Variants in CCDC33 observed in about 807,000 individuals in gnomAD.
CCDC33 encodes coiled-coil domain-containing protein 33.
Under a neutral mutation model 91.9 loss-of-function variants are expected in CCDC33, and 94 were observed. The ratio of observed to expected loss-of-function variants is 1.02; its 90% CI spans 0.87 to 1.21. The LOEUF is 1.21. CCDC33 is among the 50% of genes most tolerant of loss of function. The probability of loss-of-function intolerance (pLI) is 0.00; values close to 1 mark genes in which losing one functional copy is unlikely to be tolerated. For missense variants in CCDC33, 940 were observed against 935.5 expected, an observed-to-expected ratio of 1.00 and a Z score of -0.06; for synonymous variants, 396 against 374.5, an observed-to-expected ratio of 1.06 and a Z score of -0.66.
chr15:74,208,665 GC>G, intron 1 of CCDC33: 1 of 971,160 alleles, frequency 1.0e-6, no homozygotes, highest in Non-Finnish European at 1.2e-6. Context: ...AATTGCTCCA[GC>G]CCATCACTCT....
At chr15:74,213,411 T>A (rs905121204), upstream of CCDC33, 2 of 152,242 alleles carry the variant, frequency 1.3e-5, no homozygotes, top group African/African-American at 4.8e-5. Context: ...ATCATTGCCC[T>A]TTTTGTCCAG....
intron 7 of CCDC33, among the ~76,000 whole-genome samples, chr15:74,274,289 TGGCTGGGTTCA>T (rs1796311975): frequency 6.6e-6 from 1 of 152,206 alleles, no homozygotes; most frequent in South Asian, 2.1e-4. Context: ...GCACAGAACA[TGGCTGGGTTCA>T]GGGGAATAGC....
intron 2 of CCDC33, among the ~76,000 whole-genome samples, chr15:74,248,207 G>A (rs1283470912): frequency 1.3e-5 from 2 of 151,934 alleles, no homozygotes; most frequent in African/African-American, 2.4e-5. Flanking sequence ...TGATCACTGC[G>A]GAAAGTATAT....
Position 74,333,970 on chromosome 15 carries a change from G to C in CCDC33, c.2025+3G>C, listed in dbSNP as rs752219111. The stretch of plus-strand genomic sequence containing the variant: ...GGATCCTGTCCCTGGAAAGCCAGGT[G>C]GGTGAGATGCAGGAGTTGATGAGGC... On this transcript the variant is annotated splice_donor_region_variant and intron_variant, in intron 17 of 18. Transcript: ENST00000398814. 1.9e-6 allele frequency: 3 copies of C among 1,612,994 alleles called. No homozygotes were observed. Among genetic ancestry groups the C allele is most frequent in the Non-Finnish European group, 2.5e-6 (3 of 1,179,282 alleles).
At chr15:74,251,138 G>A (rs1566970191) in intron 2 of CCDC33, among the ~76,000 whole-genome samples, 1 of 152,244 alleles carries the variant, frequency 6.6e-6, no homozygotes, top group Non-Finnish European at 1.5e-5. Context: ...GCTGCTGCAG[G>A]CCTGCCTGGC....
At chr15:74,274,159 G>T (rs999348669) in intron 7 of CCDC33, among the ~76,000 whole-genome samples, 2 of 152,212 alleles carry the variant, frequency 1.3e-5, no homozygotes, top group Non-Finnish European at 2.9e-5. Flanking sequence ...CAGAGGAAGG[G>T]TTGGTACAGG....
At chr15:74,281,890 C>CAT (rs1454123266) in intron 10 of CCDC33, 41 bp downstream of exon 10, 1 of 1,556,722 alleles carries the variant, frequency 6.4e-7, no homozygotes, top group South Asian at 1.1e-5. Flanking sequence ...CCAGCAGGCA[C>CAT]ATGTCAGTGA....
intron 11 of CCDC33, among the ~76,000 whole-genome samples, chr15:74,304,680 A>ACCCCCAG (rs2142697610): frequency 6.6e-6 from 1 of 150,584 alleles, no homozygotes; most frequent in South Asian, 2.1e-4. Context: ...CTCGCCTCCC[A>ACCCCCAG]CCCCCAGCCC....
intron 14 of CCDC33, 24 bp downstream of exon 14, chr15:74,331,136 C>T (rs374644201): frequency 1.8e-4 from 297 of 1,613,334 alleles, no homozygotes; most frequent in Middle Eastern, 1.7e-3. Context: ...GGGCTGCCCC[C>T]GAGGCCAACT....
Position 74,219,007 on chromosome 15 carries a change from C to T in CCDC33, c.675+146C>T, listed in dbSNP as rs1012471473. 3.8e-4 allele frequency: 318 copies of T among 835,516 alleles called. 3 individuals carry two copies. Among genetic ancestry groups the T allele is most frequent in the Non-Finnish European group, 9.4e-5 (59 of 630,764 alleles). 51.8% of individuals were successfully genotyped at this position (835,516 alleles called of 1,614,324 possible). ...AGGCTGCCATGTTCAGTCTGAGGAACGTGCAGTCTGAGGATGGACATGGGA... is the reference window on the plus strand; with the variant it reads ...AGGCTGCCATGTTCAGTCTGAGGAATGTGCAGTCTGAGGATGGACATGGGA... On this transcript the variant is annotated intron_variant, in intron 2 of 2. Transcript: ENST00000635913.
intron 2 of CCDC33, among the ~76,000 whole-genome samples, chr15:74,253,007 C>T (rs1313312520): frequency 1.3e-5 from 2 of 152,236 alleles, no homozygotes; most frequent in African/African-American, 4.8e-5. Context: ...TCTCCCATCT[C>T]TGCCACCTGG....
intron 1 of CCDC33, chr15:74,207,782 C>T: frequency 6.5e-7 from 1 of 1,535,702 alleles, no homozygotes; most frequent in Non-Finnish European, 8.7e-7. Context: ...GGGGTGTGCC[C>T]TCAGTGGCAC....
At chr15:74,261,969 A>G (rs2076035632) in intron 2 of CCDC33, among the ~76,000 whole-genome samples, 1 of 152,214 alleles carries the variant, frequency 6.6e-6, no homozygotes, top group Non-Finnish European at 1.5e-5. Flanking sequence ...GGAGCCTGGA[A>G]ATCTGGGCCA....
At chr15:74,242,546 T>G (rs1302478190) in intron 1 of CCDC33, among the ~76,000 whole-genome samples, 2 of 152,136 alleles carry the variant, frequency 1.3e-5, no homozygotes, top group African/African-American at 4.8e-5. Flanking sequence ...GGGCCCTGCC[T>G]CCACCCTGAG....
chr15:74,321,093 A>T (rs2060197480), intron 11 of CCDC33, among the ~76,000 whole-genome samples: 1 of 151,976 alleles, frequency 6.6e-6, no homozygotes, highest in South Asian at 2.1e-4. Flanking sequence ...CACAACCTCC[A>T]TCCTCCCCGA....
upstream of CCDC33, among the ~76,000 whole-genome samples, chr15:74,214,153 G>A (rs989873885): frequency 3.9e-5 from 6 of 152,214 alleles, no homozygotes; most frequent in Non-Finnish European, 8.8e-5. Flanking sequence ...GAGGTTGAAA[G>A]GAGCCATTGT....
At chr15:74,245,268 C>T (rs1354949030) in intron 2 of CCDC33, among the ~76,000 whole-genome samples, 1 of 152,216 alleles carries the variant, frequency 6.6e-6, no homozygotes, top group Non-Finnish European at 1.5e-5. Context: ...CACCTGGTTA[C>T]TATGATAAGT....
At chr15:74,286,704 G>A (rs1029191725) in intron 10 of CCDC33, among the ~76,000 whole-genome samples, 8 of 152,116 alleles carry the variant, frequency 5.3e-5, no homozygotes, top group Admixed American at 5.2e-4. Flanking sequence ...CCCAGATAGG[G>A]CACCAGGCAG....
chr15:74,245,647 C>T (rs1464709877), intron 2 of CCDC33, among the ~76,000 whole-genome samples: 2 of 151,996 alleles, frequency 1.3e-5, no homozygotes, highest in African/African-American at 2.4e-5. Flanking sequence ...GCCATGGGAA[C>T]GCGCGGCAGG....
Sources: gnomAD v4.1 joint callset for allele counts (sites outside exome capture counted in the v4.1 genomes callset) on GRCh38, gnomAD v4.1.1 for gene constraint, MANE v1.5 for transcripts, NCBI Gene and HGNC (gene_info 2026-07-23, HGNC 2026-07-21) for gene names.